Variants in RBL2 observed in about 807,000 individuals in gnomAD.
RBL2 encodes the protein retinoblastoma-like protein 2.
RBL2 carries 56 observed loss-of-function variants against 126.0 expected under a neutral mutation model. The ratio of observed to expected loss-of-function variants is 0.44; its 90% CI spans 0.36 to 0.56. The LOEUF is 0.56. Among genes scored for constraint, RBL2 ranks in the 20% least tolerant of loss-of-function variants. RBL2 has a pLI of 0.00. For missense variants in RBL2, 1,229 were observed against 1,398.2 expected, an observed-to-expected ratio of 0.88 and a Z score of 1.93; for synonymous variants, 454 against 478.5, an observed-to-expected ratio of 0.95 and a Z score of 0.67.
intron 18 of RBL2, 124 bp downstream of exon 18, chr16:53,479,349 G>T: frequency 1.3e-6 from 1 of 759,720 alleles, no homozygotes; most frequent in Non-Finnish European, 2.1e-6. Context: ...CTACTTAAGG[G>T]AAGTTTCTAC....
intron 8 of RBL2, 28 bp from the exon 9 acceptor site, chr16:53,459,423 A>C: frequency 6.4e-7 from 1 of 1,567,558 alleles, no homozygotes; most frequent in Non-Finnish European, 8.7e-7. Flanking sequence ...AATGTTTATT[A>C]ATTCTGTGTA....
At chr16:53,449,646 A>C (rs559661006) in intron 4 of RBL2, 4 of 150,166 alleles carry the variant, frequency 2.7e-5, no homozygotes, top group African/African-American at 7.3e-5. Context: ...GTGATCTTTT[A>C]TAATACACGA....
intron 21 of RBL2, among the ~76,000 whole-genome samples, chr16:53,486,712 C>G (rs555534918): frequency 3.4e-4 from 52 of 152,264 alleles, no homozygotes; most frequent in Admixed American, 3.0e-3. Flanking sequence ...TGATCAAGAA[C>G]AAGGCAACAA....
Position 53,484,156 on chromosome 16 carries a change from C to A in RBL2, c.3249+2321C>A, listed in dbSNP as rs540908202. On this transcript the variant is annotated intron_variant, in intron 21 of 21. Transcript: ENST00000262133. ...AATTGGCAGTAACAGCCCCAAAAAG[C>A]AAATGGAGTTGGAGGAAATGATTCT... Among the ~76,000 whole-genome samples, 29 of 152,188 alleles carry A rather than the reference C, an allele frequency of 1.9e-4. No individual in the cohort carries two copies. The East Asian group carries it at 4.1e-3, about 21-fold the overall frequency.
At chr16:53,451,541 T>G (rs1031253204) in intron 4 of RBL2, among the ~76,000 whole-genome samples, 162 bp from the exon 5 acceptor site, 1 of 152,142 alleles carries the variant, frequency 6.6e-6, no homozygotes, top group African/African-American at 2.4e-5. Flanking sequence ...TATTAAGATA[T>G]AAGAGTAATA....
intron 3 of RBL2, chr16:53,443,249 G>T (rs74017232): frequency 0.047 from 7,173 of 153,094 alleles, 503 homozygotes; most frequent in African/African-American, 0.16. Flanking sequence ...TCTGTATCTG[G>T]ATATATATAT....
chr16:53,476,965 T>G (rs541609720), intron 17 of RBL2, among the ~76,000 whole-genome samples: 6 of 152,362 alleles, frequency 3.9e-5, no homozygotes, highest in African/African-American at 1.2e-4. Context: ...CTTTTTGTTT[T>G]CATGTCTTTC....
chr16:53,460,332 C>A (rs959776528), intron 9 of RBL2, among the ~76,000 whole-genome samples: 2 of 152,194 alleles, frequency 1.3e-5, no homozygotes, highest in African/African-American at 4.8e-5. Context: ...ATCAAGAAGA[C>A]CCTATATGTA....
At chr16:53,484,867 G>T (rs769894283) in intron 21 of RBL2, among the ~76,000 whole-genome samples, 1 of 152,152 alleles carries the variant, frequency 6.6e-6, no homozygotes, top group Admixed American at 6.5e-5. Context: ...GGTGGAAAAG[G>T]TTATACCATG....
chr16:53,472,565 C>T (rs919900465), intron 17 of RBL2, among the ~76,000 whole-genome samples: 1 of 152,118 alleles, frequency 6.6e-6, no homozygotes, highest in Non-Finnish European at 1.5e-5. Flanking sequence ...GGAGAAATAT[C>T]TTTAAATCCT....
chr16:53,463,396 G>A (rs979928596), intron 11 of RBL2, among the ~76,000 whole-genome samples: 5 of 151,592 alleles, frequency 3.3e-5, no homozygotes, highest in African/African-American at 4.9e-5. Flanking sequence ...GTGCAATCTC[G>A]GCTCACTGCA....
At position 53,470,086 on chromosome 16, in the gene RBL2, A is replaced by G. The variant is rs747416515; in HGVS notation, c.2146A>G (p.Thr716Ala). 8 of 1,614,010 alleles carry G rather than the reference A, an allele frequency of 5.0e-6. No individual in the cohort carries two copies. The African/African-American group carries it at 5.3e-5, about 11-fold the overall frequency. The change falls in exon 15 of 22, where the codon ACT (threonine) becomes GCT (alanine). Residue 716 changes from threonine to alanine, a missense_variant. Coordinates refer to ENST00000262133, the MANE Select transcript of RBL2 (RefSeq NM_005611.4). ...CCCTGTGCAGAATGTATCTGGGGAG[A>G]CTGTTTCTGTCACACCAGTTCCTGG... ...AVPVQNVSGE[T>A]VSVTPVPGQT...
Position 53,453,538 on chromosome 16 carries a change from G to A in RBL2, c.853G>A (p.Gly285Ser). Residue 285 changes from glycine (G) to serine (S), a missense_variant, in exon 6 of 22, where the codon GGC becomes AGC. This residue lies in a region of RBL2 where 1,070 missense variants were observed against 1,274.3 expected (regional missense o/e 0.84). Coordinates refer to ENST00000262133, the MANE Select transcript of RBL2 (RefSeq NM_005611.4). The part of the protein sequence containing the change: ...IIEKLCSLHD[G>S]LVLEAKGIKE... ...TGAGAAACTGTGTTCCTTACATGAT[G>A]GCCTAGTTTTGGAAGCAAAGGGGAT... 6.2e-7 allele frequency: 1 copy of A among 1,613,308 alleles called. No homozygotes were observed. The highest frequency in any genetic ancestry group is 8.5e-7 in the Non-Finnish European group (1 of 1,179,492).
chr16:53,485,875 A>AAAAACC (rs1173363355), intron 21 of RBL2, among the ~76,000 whole-genome samples: 2 of 151,784 alleles, frequency 1.3e-5, no homozygotes, highest in African/African-American at 4.8e-5. Flanking sequence ...AAACAAAAAC[A>AAAAACC]AAAAACCACC....
chr16:53,471,007 A>G (rs2150814990), intron 17 of RBL2, 85 bp downstream of exon 17: 1 of 1,358,388 alleles, frequency 7.4e-7, no homozygotes, highest in Non-Finnish European at 1.0e-6. Flanking sequence ...GATACAGTTT[A>G]CATGCTCTAT....
intron 1 of RBL2, among the ~76,000 whole-genome samples, chr16:53,438,214 C>T (rs72801814): frequency 1.3e-5 from 2 of 152,020 alleles, no homozygotes; most frequent in Non-Finnish European, 2.9e-5. Flanking sequence ...GGTACCTCAC[C>T]TGGAAGACTT....
At position 53,482,410 on chromosome 16, in the gene RBL2, T is replaced by G. The variant is rs939606745; in HGVS notation, c.3249+575T>G. Among the ~76,000 whole-genome samples, 4 of 152,186 alleles carry G rather than the reference T, an allele frequency of 2.6e-5. 1 individual carries two copies. Among genetic ancestry groups the G allele is most frequent in the Non-Finnish European group, 4.4e-5 (3 of 68,022 alleles). ...GCAGGTTAAGGGGAAGAAAACAGTG[T>G]CCTTGAGGCAGACAGTGATCCAAAG... On this transcript the variant is annotated intron_variant, in intron 21 of 21. Coordinates refer to ENST00000262133, the MANE Select transcript of RBL2 (RefSeq NM_005611.4).
chr16:53,488,152 C>G (rs992814403), intron 21 of RBL2: 5 of 152,300 alleles, frequency 3.3e-5, no homozygotes, highest in African/African-American at 1.2e-4. Context: ...GGAAACAACC[C>G]AAACGTCCTT....
chr16:53,468,809 C>A (rs1218846836), intron 14 of RBL2, among the ~76,000 whole-genome samples: 1 of 152,096 alleles, frequency 6.6e-6, no homozygotes, highest in Non-Finnish European at 1.5e-5. Flanking sequence ...GAAGTGGACA[C>A]AGAAGAAGGA....
Sources: allele counts gnomAD v4.1 joint callset (sites outside exome capture counted in the v4.1 genomes callset), GRCh38; gene constraint gnomAD v4.1.1; regional missense constraint gnomAD v4.1.1; transcripts MANE v1.5; gene names NCBI Gene and HGNC (gene_info 2026-07-23, HGNC 2026-07-21).